STAG1: variants seen among roughly 807,000 people sequenced by gnomAD.
STAG1 encodes STAG1 cohesin complex component, also known as cohesin subunit SA-1.
In STAG1, 26 loss-of-function variants were observed where a neutral mutation model predicts 170.9. The observed-to-expected ratio is 0.15, with a 90% CI of 0.11 to 0.21. STAG1 has a LOEUF of 0.21. Among genes scored for constraint, STAG1 ranks in the 10% least tolerant of loss-of-function variants. The pLI, the probability that STAG1 is intolerant of heterozygous loss-of-function variation, is 1.00. For missense variants in STAG1, 964 were observed against 1,509.5 expected, an observed-to-expected ratio of 0.64 and a Z score of 5.99; for synonymous variants, 514 against 497.7, an observed-to-expected ratio of 1.03 and a Z score of -0.44.
chr3:136,444,010 G>C (rs2088705849), intron 14 of STAG1, among the ~76,000 whole-genome samples: 1 of 151,948 alleles, frequency 6.6e-6, no homozygotes, highest in South Asian at 2.1e-4. Flanking sequence ...ACATAGTTAA[G>C]GTCTTCATCA....
Position 136,379,451 on chromosome 3 carries a change from G to A in STAG1, c.2278-1699C>T, listed in dbSNP as rs138107908. On this transcript the variant is annotated intron_variant, in intron 22 of 33. Coordinates refer to ENST00000383202, the MANE Select transcript of STAG1 (RefSeq NM_005862.3). ...TGGCTGGGTGCGGTGGCTCACGCCT[G>A]TAATCCCAGCACTTTGGGAGGCTGA... is the stretch of plus-strand genomic sequence containing the variant. Among the ~76,000 whole-genome samples, 1,073 of 152,300 alleles carry A rather than the reference G, an allele frequency of 7.0e-3. 14 individuals carry two copies. The highest frequency in any genetic ancestry group is 0.025 in the African/African-American group (1,022 of 41,554).
chr3:136,712,510 C>A (rs1030387522), intron 1 of STAG1, among the ~76,000 whole-genome samples: 1 of 152,136 alleles, frequency 6.6e-6, no homozygotes, highest in Non-Finnish European at 1.5e-5. Flanking sequence ...AATCACTTCA[C>A]AGAATAGGAC....
intron 3 of STAG1, among the ~76,000 whole-genome samples, chr3:136,608,797 C>CAAAAA (rs34993713): frequency 1.1e-4 from 9 of 79,178 alleles, no homozygotes; most frequent in Non-Finnish European, 9.5e-5. Flanking sequence ...GACCCTATCT[C>CAAAAA]AAAAAAAAAA....
chr3:136,372,878 G>A (rs1937421372), intron 23 of STAG1, among the ~76,000 whole-genome samples: 2 of 152,136 alleles, frequency 1.3e-5, no homozygotes, highest in African/African-American at 2.4e-5. Context: ...GAGTTAGGGA[G>A]GATTCCCTCT....
Position 136,521,423 on chromosome 3 carries a change from A to G in STAG1, c.472-6T>C, listed in dbSNP as rs1934663110. On this transcript the variant is annotated splice_polypyrimidine_tract_variant and splice_region_variant and intron_variant, in intron 6 of 33. Transcript: ENST00000383202. ...AGAGGATAATCACCACTGTCCTAAAAAACAGAAAAAGAACATATTAAGTAT... is the reference window on the plus strand; with the variant it reads ...AGAGGATAATCACCACTGTCCTAAAGAACAGAAAAAGAACATATTAAGTAT... 6.2e-7 allele frequency: 1 copy of G among 1,612,344 alleles called. No individual in the cohort carries two copies. The highest frequency in any genetic ancestry group is 2.2e-5 in the East Asian group (1 of 44,850).
intron 4 of STAG1, among the ~76,000 whole-genome samples, chr3:136,586,572 A>C (rs958717734): frequency 6.6e-6 from 1 of 152,202 alleles, no homozygotes; most frequent in Admixed American, 6.5e-5. Flanking sequence ...TAAAGTTTCT[A>C]ACTTCCTTCA....
chr3:136,522,746 C>A (rs547377380), intron 6 of STAG1, among the ~76,000 whole-genome samples: 2 of 139,804 alleles, frequency 1.4e-5, no homozygotes, highest in South Asian at 2.4e-4. Flanking sequence ...CAGGTCCCAG[C>A]GTGTGACGTT....
chr3:136,467,916 A>T (rs2089514471), intron 12 of STAG1, among the ~76,000 whole-genome samples: 1 of 152,236 alleles, frequency 6.6e-6, no homozygotes, highest in Admixed American at 6.5e-5. Context: ...ACTAATGGGT[A>T]CATAACGAAA....
intron 1 of STAG1, among the ~76,000 whole-genome samples, chr3:136,717,214 A>G (rs1943565956): frequency 6.6e-6 from 1 of 152,252 alleles, no homozygotes; most frequent in South Asian, 2.1e-4. Context: ...ATCTTATGAT[A>G]TTATAATATC....
At chr3:136,471,926 C>T (rs1425347125) in intron 12 of STAG1, among the ~76,000 whole-genome samples, 2 of 152,250 alleles carry the variant, frequency 1.3e-5, no homozygotes, top group East Asian at 1.9e-4. Flanking sequence ...CAGCTTTGAC[C>T]TTCTGGGCTC....
chr3:136,337,182 C>G lies in STAG1; in HGVS notation c.*1072G>C, dbSNP rs1017339518. On this transcript the variant is annotated 3_prime_UTR_variant, in exon 34 of 34. Transcript: ENST00000383202. ...ACAGACTTCTATGCAGCACATACTT[C>G]TATAATCAGTAAACTTAATTCACAA... 2 of 152,614 alleles carry G rather than the reference C, an allele frequency of 1.3e-5. No individual in the cohort carries two copies. The highest frequency in any genetic ancestry group is 2.4e-5 in the African/African-American group (1 of 41,446). The allele number at this position is 152,614 out of a possible 1,614,324, so 9.5% of individuals were successfully genotyped here.
intron 4 of STAG1, among the ~76,000 whole-genome samples, chr3:136,590,161 CAG>C (rs987349548): frequency 1.3e-5 from 2 of 150,476 alleles, no homozygotes; most frequent in African/African-American, 2.4e-5. Flanking sequence ...CTCTGAGAAA[CAG>C]AAGACAATTC....
chr3:136,391,045 G>T (rs984047719), intron 22 of STAG1, among the ~76,000 whole-genome samples: 2 of 152,166 alleles, frequency 1.3e-5, no homozygotes, highest in Non-Finnish European at 2.9e-5. Flanking sequence ...ATTTTCAGAG[G>T]AGAACCTTTA....
At chr3:136,687,480 G>A (rs1942569764) in intron 1 of STAG1, among the ~76,000 whole-genome samples, 1 of 150,626 alleles carries the variant, frequency 6.6e-6, no homozygotes, top group Non-Finnish European at 1.5e-5. Flanking sequence ...TTACGGTGAA[G>A]CAGGGAATCT....
intron 9 of STAG1, among the ~76,000 whole-genome samples, chr3:136,494,820 G>A (rs1292731513): frequency 2.6e-5 from 4 of 152,100 alleles, no homozygotes; most frequent in Non-Finnish European, 5.9e-5. Context: ...ATAACATCGT[G>A]CCTAATTTCA....
At chr3:136,646,863 G>C (rs1011004579) in intron 1 of STAG1, among the ~76,000 whole-genome samples, 1 of 152,016 alleles carries the variant, frequency 6.6e-6, no homozygotes, top group Non-Finnish European at 1.5e-5. Flanking sequence ...AGTGAGCCGA[G>C]ATCACGCCAC....
At chr3:136,716,081 CAG>C (rs1302898201) in intron 1 of STAG1, among the ~76,000 whole-genome samples, 4 of 150,156 alleles carry the variant, frequency 2.7e-5, no homozygotes, top group African/African-American at 9.8e-5. Context: ...GTGGGCGACA[CAG>C]AGAGACTTCA....
intron 15 of STAG1, 138 bp downstream of exon 15, chr3:136,443,149 C>G (rs1036778049): frequency 1.9e-5 from 10 of 513,602 alleles, no homozygotes; most frequent in Non-Finnish European, 2.7e-5. Flanking sequence ...TTACTTGTTA[C>G]AGAAAACAAA....
chr3:136,530,224 A>C (rs1033931704), intron 6 of STAG1, among the ~76,000 whole-genome samples: 2 of 152,234 alleles, frequency 1.3e-5, no homozygotes, highest in African/African-American at 4.8e-5. Context: ...TGGAGCATCC[A>C]GATTTATAAG....
Sources: gnomAD v4.1 joint callset for allele counts (sites outside exome capture counted in the v4.1 genomes callset) on GRCh38, gnomAD v4.1.1 for gene constraint, MANE v1.5 for transcripts, NCBI Gene and HGNC (gene_info 2026-07-23, HGNC 2026-07-21) for gene names.